Variants in TENT5C observed in about 807,000 individuals in gnomAD.
TENT5C encodes the protein family with sequence similarity 46 member C.
Under a neutral mutation model 22.2 loss-of-function variants are expected in TENT5C, and 5 were observed. That is an observed-to-expected ratio of 0.22 (90% CI 0.12 to 0.47). TENT5C has a LOEUF of 0.47. Among genes scored for constraint, TENT5C ranks in the 20% least tolerant of loss-of-function variants. TENT5C has a pLI of 0.99. For missense variants in TENT5C, 364 were observed against 500.9 expected, an observed-to-expected ratio of 0.73 and a Z score of 2.61; for synonymous variants, 199 against 195.4, an observed-to-expected ratio of 1.02 and a Z score of -0.15.
chr1:117,620,632 C>T (rs529384621), intron 1 of TENT5C, among the ~76,000 whole-genome samples: 7 of 152,306 alleles, frequency 4.6e-5, no homozygotes, highest in Admixed American at 2.6e-4. Context: ...GGAACTGGGC[C>T]GCACAGCAGG....
intron 1 of TENT5C, among the ~76,000 whole-genome samples, chr1:117,616,727 T>C (rs1423022844): frequency 6.6e-6 from 1 of 152,256 alleles, no homozygotes; most frequent in Non-Finnish European, 1.5e-5. Context: ...AAAGGAAGGC[T>C]GAAATGTGTT....
In TENT5C at chr1:117,625,409, A is replaced by G. The variant is rs1478890489; in HGVS notation, c.*1365A>G. 4.0e-6 allele frequency: 1 copy of G among 248,214 alleles called. No individual in the cohort carries two copies. Among genetic ancestry groups the G allele is most frequent in the South Asian group, 1.8e-4 (1 of 5,532 alleles). The allele number at this position is 248,214 out of a possible 1,614,324, so 15.4% of individuals were successfully genotyped here. A position where few individuals can be genotyped will look rare whatever the true frequency, so the allele number is the denominator to read the frequency against. On this transcript the variant is annotated 3_prime_UTR_variant, in exon 2 of 2. Transcript: ENST00000369448. ...TAATTCTGCACTTTAGAAGAAAAAC[A>G]GTGTTAATCTGTAGTTGAAAGAAAG...
At position 117,624,028 on chromosome 1, in the gene TENT5C, G is replaced by C; in HGVS notation, c.1160G>C (p.Trp387Ser). 6.2e-7 allele frequency: 1 copy of C among 1,612,628 alleles called. No homozygotes were observed. The change falls in exon 2 of 2, where the codon TGG becomes TCG. Residue 387 changes from tryptophan to serine, a missense_variant. Around this residue, in one of 3 missense-constraint regions of TENT5C, gnomAD observed 54 missense variants for 76.5 expected, o/e 0.71. Transcript: ENST00000369448. ...ACCTACAGCCAGCCTTACCCTACCT[G>C]GCTGCCCTGTAACTAACCTTGAGAC... Reference protein sequence around the residue: ...PVTYSQPYPTWLPCN With the variant: ...PVTYSQPYPTSLPCN
rs1653943495 is a variant in TENT5C, at chr1:117,623,461, C to T, written c.593C>T (p.Ser198Phe). ...LDSLLFFYDC[S>F]NNPISEHFHP... ...TCTTTGCTTTTCTTCTATGACTGTT[C>T]CAATAATCCCATCTCTGAGCACTTC... Residue 198 changes from serine (S) to phenylalanine (F), a missense_variant, in exon 2 of 2, where the codon TCC becomes TTC. Physicochemically the swap from Ser to Phe is radical, Grantham distance 155. Transcript: ENST00000369448. 6.2e-7 allele frequency: 1 copy of T among 1,613,938 alleles called. No homozygotes were observed. The highest frequency in any genetic ancestry group is 1.7e-5 in the Admixed American group (1 of 59,998).
rs200762353 is a variant in TENT5C at position 117,623,603 on chromosome 1, C to T, written c.735C>T (p.Leu245=). Residue 245 remains leucine (L), a synonymous_variant, in exon 2 of 2, where the codon CTC becomes CTT. Coordinates refer to ENST00000369448, the MANE Select transcript of TENT5C (RefSeq NM_017709.4). Reference sequence around the variant, plus strand: ...AAGAAATCAGAGGCGGGGGACTTCTCAAGTACAGCAACCTTCTTGTGCGGG... The same window carrying T: ...AAGAAATCAGAGGCGGGGGACTTCTTAAGTACAGCAACCTTCTTGTGCGGG... The part of the protein sequence containing the change: ...NPEEIRGGGL[L]KYSNLLVRDF... The T allele has an allele frequency of 6.2e-7, 1 of 1,613,720 alleles. No individual in the cohort carries two copies. The highest frequency in any genetic ancestry group is 2.2e-5 in the East Asian group (1 of 44,854).
chr1:117,622,753 A>G, intron 1 of TENT5C, 89 bp from the exon 2 acceptor site: 2 of 827,360 alleles, frequency 2.4e-6, no homozygotes, highest in Middle Eastern at 2.3e-4. Flanking sequence ...TTACAGGAAG[A>G]TGTTCAGAGA....
chr1:117,610,264 G>C (rs1653636392), intron 1 of TENT5C, among the ~76,000 whole-genome samples: 2 of 152,032 alleles, frequency 1.3e-5, no homozygotes, highest in Non-Finnish European at 2.9e-5. Flanking sequence ...CACAGGGACT[G>C]CCTGCACCTC....
chr1:117,612,327 T>C (rs1056096092), intron 1 of TENT5C, among the ~76,000 whole-genome samples: 1 of 150,546 alleles, frequency 6.6e-6, no homozygotes, highest in African/African-American at 2.4e-5. Flanking sequence ...TGGTGTTGGA[T>C]TCCTAGCCCG....
chr1:117,614,887 C>G (rs1473356500), intron 1 of TENT5C, among the ~76,000 whole-genome samples: 1 of 152,198 alleles, frequency 6.6e-6, no homozygotes, highest in Non-Finnish European at 1.5e-5. Context: ...GACTTGGTTT[C>G]TCTAAAATCA....
At position 117,623,614 on chromosome 1, in the gene TENT5C, A is replaced by G. The variant is rs745570371; in HGVS notation, c.746A>G (p.Asn249Ser). The G allele has an allele frequency of 1.2e-6, 2 of 1,613,704 alleles. No homozygotes were observed. The highest frequency in any genetic ancestry group is 1.7e-5 in the Admixed American group (1 of 59,956). The part of the protein sequence containing the change: ...IRGGGLLKYS[N>S]LLVRDFRPTD... ...GGCGGGGGACTTCTCAAGTACAGCA[A>G]CCTTCTTGTGCGGGACTTCAGGCCC... The change falls in exon 2 of 2, where the codon AAC (asparagine) becomes AGC (serine). Residue 249 changes from asparagine (N) to serine (S), a missense_variant. Transcript: ENST00000369448.
chr1:117,609,640 G>C (rs949450528), intron 1 of TENT5C, among the ~76,000 whole-genome samples: 16 of 152,376 alleles, frequency 1.1e-4, no homozygotes, highest in African/African-American at 3.6e-4. Context: ...CTGGATGCGA[G>C]AGGAGCTGGG....
chr1:117,607,351 C>G (rs1239188813), intron 1 of TENT5C, among the ~76,000 whole-genome samples: 1 of 152,184 alleles, frequency 6.6e-6, no homozygotes, highest in Non-Finnish European at 1.5e-5. Context: ...TAGGGGCCTG[C>G]TTCCTTTTTA....
At position 117,625,843 on chromosome 1, in the gene TENT5C, G is replaced by C. The variant is rs1467679258; in HGVS notation, c.*1799G>C. On this transcript the variant is annotated 3_prime_UTR_variant, in exon 2 of 2. Transcript: ENST00000369448. ...TCAAGGCTTAGCTGGTATCTATGTTGTGCTACATTAGGTGACTAGAAGCCA... is the reference window on the plus strand; with the variant it reads ...TCAAGGCTTAGCTGGTATCTATGTTCTGCTACATTAGGTGACTAGAAGCCA... 2 of 247,878 alleles carry C rather than the reference G, an allele frequency of 8.1e-6. No individual in the cohort carries two copies. The highest frequency in any genetic ancestry group is 1.2e-4 in the East Asian group (2 of 16,548). 15.4% of individuals were successfully genotyped at this position (247,878 alleles called of 1,614,324 possible).
At chr1:117,615,204 C>A (rs1338215791) in intron 1 of TENT5C, among the ~76,000 whole-genome samples, 2 of 152,128 alleles carry the variant, frequency 1.3e-5, no homozygotes, top group Admixed American at 1.3e-4. Flanking sequence ...AATCTTTATA[C>A]CTTCCTTCCT....
intron 1 of TENT5C, among the ~76,000 whole-genome samples, chr1:117,617,911 C>T (rs932213450): frequency 3.9e-5 from 6 of 152,132 alleles, no homozygotes; most frequent in African/African-American, 7.2e-5. Context: ...ATTGTTTGGA[C>T]GAGTGAGGGA....
rs909918248 is a variant in TENT5C, at chr1:117,627,046, A to T, written c.*3002A>T. 4.0e-6 allele frequency: 1 copy of T among 248,026 alleles called. No individual in the cohort carries two copies. Among genetic ancestry groups the T allele is most frequent in the African/African-American group, 2.2e-5 (1 of 45,336 alleles). 15.4% of individuals were successfully genotyped at this position (248,026 alleles called of 1,614,324 possible). A position where few individuals can be genotyped will look rare whatever the true frequency, so the allele number is the denominator to read the frequency against. ...AATTTCAATGCTGAAACTGAACTCTATTACTAATGCCTTCCAATCAGAGTT... is the reference window on the plus strand; with the variant it reads ...AATTTCAATGCTGAAACTGAACTCTTTTACTAATGCCTTCCAATCAGAGTT... On this transcript the variant is annotated 3_prime_UTR_variant, in exon 2 of 2. Coordinates refer to ENST00000369448, the MANE Select transcript of TENT5C (RefSeq NM_017709.4).
chr1:117,622,931 G>A lies in TENT5C; in HGVS notation c.63G>A (p.Gln21=). 1.2e-6 allele frequency: 2 copies of A among 1,614,218 alleles called. No individual in the cohort carries two copies. Among genetic ancestry groups the A allele is most frequent in the South Asian group, 2.2e-5 (2 of 91,088 alleles). Residue 21 remains glutamine (Q), a synonymous_variant, in exon 2 of 2, where the codon CAG becomes CAA. Transcript: ENST00000369448. Reference sequence around the variant, plus strand: ...CCTTCAGCGTGCTCAACTGGGATCAGGTTAGCCGGCTGCATGAGGTCCTCA... The same window carrying A: ...CCTTCAGCGTGCTCAACTGGGATCAAGTTAGCCGGCTGCATGAGGTCCTCA... The part of the protein sequence containing the change: ...CMSFSVLNWD[Q]VSRLHEVLTE...
In TENT5C at chr1:117,626,462, A is replaced by G. The variant is rs1057059389; in HGVS notation, c.*2418A>G. Reference sequence around the variant, plus strand: ...CTTTTTGTAGTTTGAGAATAGACCTATTCAAGAGCTATCAGGGTTAAAAGC... The same window carrying G: ...CTTTTTGTAGTTTGAGAATAGACCTGTTCAAGAGCTATCAGGGTTAAAAGC... On this transcript the variant is annotated 3_prime_UTR_variant, in exon 2 of 2. Transcript: ENST00000369448. 2 of 247,844 alleles carry G rather than the reference A, an allele frequency of 8.1e-6. No individual in the cohort carries two copies. The highest frequency in any genetic ancestry group is 2.2e-5 in the African/African-American group (1 of 45,334). 15.4% of individuals were successfully genotyped at this position (247,844 alleles called of 1,614,324 possible). A position where few individuals can be genotyped will look rare whatever the true frequency, so the allele number is the denominator to read the frequency against.
rs903158425 is a variant in TENT5C, at chr1:117,626,001, G to A, written c.*1957G>A. 4.0e-6 allele frequency: 1 copy of A among 247,824 alleles called. No homozygotes were observed. The highest frequency in any genetic ancestry group is 8.5e-6 in the Non-Finnish European group (1 of 118,026). 15.4% of individuals were successfully genotyped at this position (247,824 alleles called of 1,614,324 possible). On this transcript the variant is annotated 3_prime_UTR_variant, in exon 2 of 2. Transcript: ENST00000369448. ...TGTTAAGAGTGGGGCAATGAAGAGTGAACCCCAATGAAGAGTGATCCCAAC... is the reference window on the plus strand; with the variant it reads ...TGTTAAGAGTGGGGCAATGAAGAGTAAACCCCAATGAAGAGTGATCCCAAC...
Sources: allele counts gnomAD v4.1 joint callset (sites outside exome capture counted in the v4.1 genomes callset), GRCh38; gene constraint gnomAD v4.1.1; regional missense constraint gnomAD v4.1.1; transcripts MANE v1.5; gene names NCBI Gene and HGNC (gene_info 2026-07-23, HGNC 2026-07-21).